Variants in ITCH observed in about 807,000 individuals in gnomAD.
ITCH encodes E3 ubiquitin-protein ligase Itchy homolog.
In ITCH, 28 loss-of-function variants were observed where a neutral mutation model predicts 126.8. The ratio of observed to expected loss-of-function variants is 0.22; its 90% CI spans 0.16 to 0.30. ITCH has a LOEUF of 0.30. Ranked by LOEUF, ITCH falls within the 10% of genes least tolerant of loss-of-function variation. The pLI is 1.00. For missense variants in ITCH, 631 were observed against 1,032.4 expected, an observed-to-expected ratio of 0.61 and a Z score of 5.33; for synonymous variants, 342 against 340.0, an observed-to-expected ratio of 1.01 and a Z score of -0.06.
intron 3 of ITCH, among the ~76,000 whole-genome samples, chr20:34,399,281 A>G (rs1294788411): frequency 6.6e-6 from 1 of 150,470 alleles, no homozygotes; most frequent in Non-Finnish European, 1.5e-5. Flanking sequence ...AATTCCAGCT[A>G]CTCGGGGGGC....
chr20:34,455,725 G>A (rs1026278760), intron 12 of ITCH, among the ~76,000 whole-genome samples: 1 of 151,370 alleles, frequency 6.6e-6, no homozygotes, highest in African/African-American at 2.4e-5. Context: ...CAGTCCGCCC[G>A]CCTCTGCCTC....
chr20:34,461,320 T>A (rs1407923935), intron 13 of ITCH, among the ~76,000 whole-genome samples: 1 of 152,158 alleles, frequency 6.6e-6, no homozygotes, highest in African/African-American at 2.4e-5. Flanking sequence ...TTAAATAAGA[T>A]CTCTGTTTTA....
chr20:34,399,375 A>G (rs1172771814), intron 3 of ITCH, among the ~76,000 whole-genome samples: 1 of 152,048 alleles, frequency 6.6e-6, no homozygotes, highest in Non-Finnish European at 1.5e-5. Context: ...CTGGGCAACA[A>G]CAGTGAAACT....
intron 11 of ITCH, 42 bp from the exon 12 acceptor site, chr20:34,449,369 G>T (rs768995430): frequency 8.3e-7 from 1 of 1,207,926 alleles, no homozygotes; most frequent in Non-Finnish European, 1.2e-6. Flanking sequence ...CAGATAAGTT[G>T]TTAAGTTGTT....
intron 2 of ITCH, among the ~76,000 whole-genome samples, chr20:34,380,605 CTT>C (rs35848431): frequency 6.0e-3 from 414 of 69,230 alleles, no homozygotes; most frequent in East Asian, 0.02. Context: ...TTAATGATGT[CTT>C]TTTTTTTTTT....
At chr20:34,434,534 G>A (rs927028508) in intron 7 of ITCH, among the ~76,000 whole-genome samples, 2 of 152,182 alleles carry the variant, frequency 1.3e-5, no homozygotes, top group Non-Finnish European at 2.9e-5. Flanking sequence ...AGAGGATATA[G>A]TCTGCCATCC....
intron 12 of ITCH, chr20:34,451,138 A>G (rs1202335835): frequency 6.6e-6 from 1 of 151,994 alleles, no homozygotes; most frequent in Non-Finnish European, 1.5e-5. Context: ...AAATACAAAA[A>G]AATTAGGTGG....
chr20:34,477,183 A>G lies in ITCH; in HGVS notation c.1570-589A>G, dbSNP rs190816545. Among the ~76,000 whole-genome samples, 636 of 152,264 alleles carry G rather than the reference A, an allele frequency of 4.2e-3. 5 individuals carry two copies. The highest frequency in any genetic ancestry group is 4.0e-3 in the Non-Finnish European group (269 of 68,024). On this transcript the variant is annotated intron_variant, in intron 16 of 24. Coordinates refer to ENST00000374864, the MANE Select transcript of ITCH (RefSeq NM_031483.7). The stretch of plus-strand genomic sequence containing the variant: ...ACCCAACCTCTGACCATGCCCATCT[A>G]TGTTCTAAGTAATTGATACAGGCAA...
intron 14 of ITCH, among the ~76,000 whole-genome samples, chr20:34,468,519 G>C (rs1987310256): frequency 6.6e-6 from 1 of 151,926 alleles, no homozygotes; most frequent in South Asian, 2.1e-4. Flanking sequence ...GGCCGGGCAT[G>C]GTGGCTCACG....
intron 10 of ITCH, among the ~76,000 whole-genome samples, chr20:34,444,746 G>A (rs932762520): frequency 2.6e-5 from 4 of 152,152 alleles, no homozygotes; most frequent in Non-Finnish European, 4.4e-5. Flanking sequence ...GGTTCAAGCA[G>A]TTCTCCTGCT....
At chr20:34,457,562 T>A in intron 13 of ITCH, 88 bp downstream of exon 13, 2 of 928,438 alleles carry the variant, frequency 2.2e-6, no homozygotes, top group Non-Finnish European at 3.4e-6. Flanking sequence ...CATATTCTTT[T>A]GCCAAAGACC....
At chr20:34,496,818 AAAAG>A in intron 23 of ITCH, among the ~76,000 whole-genome samples, 1 of 151,770 alleles carries the variant, frequency 6.6e-6, no homozygotes, top group Non-Finnish European at 1.5e-5. Context: ...AAAAAAAAAA[AAAAG>A]AAAAGAGAAA....
intron 2 of ITCH, among the ~76,000 whole-genome samples, chr20:34,387,208 C>G (rs2038314664): frequency 6.6e-6 from 1 of 151,316 alleles, no homozygotes; most frequent in Non-Finnish European, 1.5e-5. Context: ...GAGGCTGAGG[C>G]AGGAGAATTG....
At chr20:34,433,283 T>C (rs1335886537) in intron 7 of ITCH, among the ~76,000 whole-genome samples, 3 of 152,216 alleles carry the variant, frequency 2.0e-5, no homozygotes, top group Non-Finnish European at 4.4e-5. Context: ...AGAGCGAGAC[T>C]TCGTCTCAAA....
intron 10 of ITCH, among the ~76,000 whole-genome samples, chr20:34,444,859 C>T (rs1384648123): frequency 6.6e-6 from 1 of 152,196 alleles, no homozygotes; most frequent in Non-Finnish European, 1.5e-5. Context: ...CCAGGCTGGT[C>T]TTGAACTACT....
intron 1 of ITCH, among the ~76,000 whole-genome samples, chr20:34,366,959 C>T (rs2037443586): frequency 1.3e-5 from 2 of 152,184 alleles, no homozygotes; most frequent in South Asian, 4.1e-4. Context: ...TAGCTTTTTA[C>T]TAGTGCAATA....
At chr20:34,449,696 T>C (rs1441342598) in intron 12 of ITCH, among the ~76,000 whole-genome samples, 1 of 152,106 alleles carries the variant, frequency 6.6e-6, no homozygotes, top group African/African-American at 2.4e-5. Context: ...TTATTGACGC[T>C]CATAATTATT....
chr20:34,435,392 C>T (rs772609217), intron 7 of ITCH, among the ~76,000 whole-genome samples: 1 of 152,182 alleles, frequency 6.6e-6, no homozygotes, highest in Non-Finnish European at 1.5e-5. Context: ...TAGTCTCAAA[C>T]TCCTGACCTC....
At chr20:34,390,193 C>T (rs542407402) in intron 2 of ITCH, among the ~76,000 whole-genome samples, 3 of 151,898 alleles carry the variant, frequency 2.0e-5, no homozygotes, top group African/African-American at 7.3e-5. Flanking sequence ...ATGCAACAGG[C>T]AGTTTTCCTA....
Sources: gnomAD v4.1 joint callset for allele counts (sites outside exome capture counted in the v4.1 genomes callset) on GRCh38, gnomAD v4.1.1 for gene constraint, MANE v1.5 for transcripts, NCBI Gene and HGNC (gene_info 2026-07-23, HGNC 2026-07-21) for gene names.